Variants in FRYL observed in about 807,000 individuals in gnomAD.
FRYL encodes the protein protein furry homolog-like.
Under a neutral mutation model 351.2 loss-of-function variants are expected in FRYL, and 150 were observed. The ratio of observed to expected loss-of-function variants is 0.43; its 90% CI spans 0.37 to 0.49. The LOEUF is 0.49. Among genes scored for constraint, FRYL ranks in the 20% least tolerant of loss-of-function variants. FRYL has a pLI of 0.00. For synonymous variants in FRYL, 1,153 were observed against 1,257.1 expected, an observed-to-expected ratio of 0.92 and a Z score of 1.75; for missense variants, 3,036 against 3,619.3, an observed-to-expected ratio of 0.84 and a Z score of 4.13.
At chr4:48,717,493 A>G (rs1235677811) in intron 1 of FRYL, among the ~76,000 whole-genome samples, 3 of 151,424 alleles carry the variant, frequency 2.0e-5, no homozygotes, top group African/African-American at 7.3e-5. Context: ...CTCAAAATCT[A>G]TTATAGTAAT....
intron 18 of FRYL, among the ~76,000 whole-genome samples, chr4:48,589,133 T>A (rs776590): frequency 6.6e-6 from 1 of 152,022 alleles, no homozygotes; most frequent in Admixed American, 6.6e-5. Context: ...AAGAATCTCC[T>A]CCCTTACAGA....
chr4:48,639,012 G>T (rs1204546093), intron 3 of FRYL, among the ~76,000 whole-genome samples: 1 of 151,996 alleles, frequency 6.6e-6, no homozygotes. Flanking sequence ...TGTAGATGAC[G>T]GGTTGATGGG....
Position 48,575,257 on chromosome 4 carries a change from C to A in FRYL, c.2722-16G>T. 6.2e-7 allele frequency: 1 copy of A among 1,611,612 alleles called. No individual in the cohort carries two copies. The highest frequency in any genetic ancestry group is 8.5e-7 in the Non-Finnish European group (1 of 1,178,220). On this transcript the variant is annotated splice_polypyrimidine_tract_variant and intron_variant, in intron 24 of 63. Transcript: ENST00000358350. ...TGCCAATAATCTGGAAAAAAAATAT[C>A]GTATTTGTAACAGCCACTAATGATA...
chr4:48,595,942 A>C lies in FRYL; in HGVS notation c.1094T>G (p.Val365Gly). 1 of 1,606,780 alleles carries C rather than the reference A, an allele frequency of 6.2e-7. No homozygotes were observed. The highest frequency in any genetic ancestry group is 1.3e-5 in the African/African-American group (1 of 74,730). The change falls in exon 14 of 64, where the codon GTT becomes GGT. Residue 365 changes from valine (V) to glycine (G), a missense_variant. Transcript: ENST00000358350. ...ALESLYRLLW[V>G]YVIRIKCESN... ...TTCACATTTTATTCTAATTACATAAACCCACAATAATCTATACAAAGATTC... is the reference window on the plus strand; with the variant it reads ...TTCACATTTTATTCTAATTACATAACCCCACAATAATCTATACAAAGATTC...
intron 16 of FRYL, among the ~76,000 whole-genome samples, chr4:48,592,093 TA>T (rs1743457380): frequency 2.7e-5 from 1 of 36,508 alleles, no homozygotes; most frequent in East Asian, 1.3e-3. Context: ...TATATATATA[TA>T]TATATATATA....
chr4:48,568,593 T>C (rs1466351907), intron 27 of FRYL, among the ~76,000 whole-genome samples: 3 of 152,146 alleles, frequency 2.0e-5, no homozygotes, highest in East Asian at 1.9e-4. Flanking sequence ...TTACTAGTTA[T>C]GAGTAACTTC....
chr4:48,668,190 T>C (rs531596202), intron 3 of FRYL, among the ~76,000 whole-genome samples: 2 of 152,270 alleles, frequency 1.3e-5, no homozygotes, highest in East Asian at 3.9e-4. Context: ...CAAAGACCTG[T>C]GGCCTGCAAA....
intron 25 of FRYL, among the ~76,000 whole-genome samples, chr4:48,573,547 G>A (rs1738847502): frequency 6.6e-6 from 1 of 151,996 alleles, no homozygotes; most frequent in South Asian, 2.1e-4. Context: ...TATATAAAAT[G>A]GTATCCTTTT....
chr4:48,615,650 C>CT (rs1357526537), intron 7 of FRYL, among the ~76,000 whole-genome samples: 6 of 152,162 alleles, frequency 3.9e-5, no homozygotes, highest in Non-Finnish European at 7.3e-5. Context: ...AATTAGTCCT[C>CT]TATTATCTGG....
intron 5 of FRYL, among the ~76,000 whole-genome samples, chr4:48,621,132 A>G (rs1750559836): frequency 6.6e-6 from 1 of 152,232 alleles, no homozygotes; most frequent in South Asian, 2.1e-4. Flanking sequence ...CTGCCCTGGC[A>G]ACTCCTATGT....
At chr4:48,701,886 C>G (rs895416030) in intron 2 of FRYL, among the ~76,000 whole-genome samples, 2 of 152,136 alleles carry the variant, frequency 1.3e-5, no homozygotes, top group African/African-American at 2.4e-5. Context: ...ACTCTAATAT[C>G]GTCATACTGT....
intron 2 of FRYL, among the ~76,000 whole-genome samples, chr4:48,699,384 G>T (rs1234114178): frequency 6.6e-6 from 1 of 152,068 alleles, no homozygotes; most frequent in African/African-American, 2.4e-5. Context: ...AAATAGTGGG[G>T]GATGGGAAAG....
chr4:48,745,341 G>A (rs549321415), intron 1 of FRYL, among the ~76,000 whole-genome samples: 12 of 152,196 alleles, frequency 7.9e-5, no homozygotes, highest in African/African-American at 2.6e-4. Context: ...TAGCAAAGAC[G>A]TGGAACCAAC....
chr4:48,724,222 A>G (rs748501098), intron 1 of FRYL, among the ~76,000 whole-genome samples: 6 of 152,214 alleles, frequency 3.9e-5, no homozygotes, highest in Non-Finnish European at 8.8e-5. Flanking sequence ...CTAGTTTTAC[A>G]TAAAAGACAG....
chr4:48,684,122 G>A (rs1366693687), intron 3 of FRYL, among the ~76,000 whole-genome samples: 1 of 152,186 alleles, frequency 6.6e-6, no homozygotes, highest in Non-Finnish European at 1.5e-5. Context: ...AGGTGTTATA[G>A]AAGATCCCAC....
At chr4:48,539,603 A>C (rs1487148624) in intron 47 of FRYL, among the ~76,000 whole-genome samples, 1 of 152,146 alleles carries the variant, frequency 6.6e-6, no homozygotes, top group Non-Finnish European at 1.5e-5. Flanking sequence ...CCCATGATAA[A>C]GTACACTATC....
intron 4 of FRYL, among the ~76,000 whole-genome samples, chr4:48,628,428 T>TTG (rs1553956064): frequency 3.8e-5 from 2 of 52,772 alleles, no homozygotes; most frequent in South Asian, 8.1e-4. Context: ...TCCCCTTCAT[T>TTG]TGCGTGTGTG....
rs1434165235 is a variant in FRYL, at chr4:48,534,656, C to T, written c.6594G>A (p.Gln2198=). The T allele has an allele frequency of 5.1e-6, 8 of 1,576,090 alleles. No individual in the cohort carries two copies. The highest frequency in any genetic ancestry group is 7.0e-6 in the Non-Finnish European group (8 of 1,146,578). The change falls in exon 49 of 64, where the codon CAG becomes CAA. Residue 2198 remains glutamine, a synonymous_variant. Transcript: ENST00000358350. ...TATAAATAATCTGTAGTAATGATTG[C>T]TGCATACTGGACAATCCTTTCTCTA... ...ELLEKGLSSM[Q]QSLLQIIYSL... is the part of the protein sequence containing the mutation.
intron 27 of FRYL, among the ~76,000 whole-genome samples, chr4:48,568,371 C>T (rs964097867): frequency 6.6e-6 from 1 of 152,154 alleles, no homozygotes; most frequent in Non-Finnish European, 1.5e-5. Flanking sequence ...GGATTCCTGT[C>T]TTGTTTCACC....
Sources: allele counts gnomAD v4.1 joint callset (sites outside exome capture counted in the v4.1 genomes callset), GRCh38; gene constraint gnomAD v4.1.1; transcripts MANE v1.5; gene names NCBI Gene and HGNC (gene_info 2026-07-23, HGNC 2026-07-21).